Variants in UGGT1 observed in about 807,000 individuals in gnomAD.
The protein encoded by UGGT1 is UDP-glucose:glycoprotein glucosyltransferase 1.
Under a neutral mutation model 203.9 loss-of-function variants are expected in UGGT1, and 107 were observed. The ratio of observed to expected loss-of-function variants is 0.52; its 90% CI spans 0.45 to 0.62. The LOEUF is 0.62. Among genes scored for constraint, UGGT1 ranks in the 20% least tolerant of loss-of-function variants. The pLI, the probability that UGGT1 is intolerant of heterozygous loss-of-function variation, is 0.00. For synonymous variants in UGGT1, 628 were observed against 653.5 expected (o/e 0.96, Z 0.59); for missense variants, 1,673 against 1,867.2 (o/e 0.90, Z 1.92).
chr2:128,106,023 G>A (rs1687590563), intron 3 of UGGT1, among the ~76,000 whole-genome samples: 1 of 151,978 alleles, frequency 6.6e-6, no homozygotes, highest in Non-Finnish European at 1.5e-5. Flanking sequence ...TCAAACTCCT[G>A]GCCTCAAGAC....
intron 13 of UGGT1, among the ~76,000 whole-genome samples, chr2:128,130,435 A>C (rs935766785): frequency 3.3e-5 from 5 of 152,168 alleles, no homozygotes; most frequent in African/African-American, 1.2e-4. Flanking sequence ...CATTACTTGA[A>C]TTCATACTTG....
chr2:128,179,785 G>C lies in UGGT1; in HGVS notation c.3816-1G>C, dbSNP rs1271290139. 1 of 1,610,404 alleles carries C rather than the reference G, an allele frequency of 6.2e-7. No individual in the cohort carries two copies. Among genetic ancestry groups the C allele is most frequent in the Non-Finnish European group, 8.5e-7 (1 of 1,178,916 alleles). ...ATTAATTACCTGCTTTTGTTTGGCA[G>C]CATAATGATGCTATCCGTGCTGAAG... On this transcript the variant is annotated splice_acceptor_variant, in intron 34 of 40. Coordinates refer to ENST00000259253, the MANE Select transcript of UGGT1 (RefSeq NM_020120.4). LOFTEE classifies it high-confidence loss of function.
chr2:128,174,902 A>C, intron 31 of UGGT1, 44 bp downstream of exon 31: 1 of 1,543,750 alleles, frequency 6.5e-7, no homozygotes, highest in African/African-American at 1.4e-5. Context: ...AACTTTTAGA[A>C]ATGAGCATTA....
At chr2:128,122,701 T>C (rs1332755277) in intron 10 of UGGT1, among the ~76,000 whole-genome samples, 1 of 152,152 alleles carries the variant, frequency 6.6e-6, no homozygotes, top group Admixed American at 6.5e-5. Context: ...CTGAATGAAG[T>C]GTTTTGACTT....
At chr2:128,189,226 G>A (rs547772666) in intron 40 of UGGT1, among the ~76,000 whole-genome samples, 3 of 152,132 alleles carry the variant, frequency 2.0e-5, no homozygotes, top group Non-Finnish European at 2.9e-5. Flanking sequence ...CCCGTAAGGC[G>A]TTTATATACC....
At chr2:128,131,281 C>A (rs569997489) in intron 13 of UGGT1, among the ~76,000 whole-genome samples, 1 of 148,760 alleles carries the variant, frequency 6.7e-6, no homozygotes, top group South Asian at 2.1e-4. Context: ...CAGTCAGGCG[C>A]GGTGGCTCAC....
chr2:128,161,954 C>A (rs924809687), intron 25 of UGGT1, among the ~76,000 whole-genome samples: 5 of 152,126 alleles, frequency 3.3e-5, no homozygotes, highest in African/African-American at 1.2e-4. Context: ...GTGGCTGTAC[C>A]ATTTTACATT....
At chr2:128,127,585 C>T (rs1292611881) in intron 12 of UGGT1, 133 bp downstream of exon 12, 18 of 654,788 alleles carry the variant, frequency 2.7e-5, no homozygotes, top group Admixed American at 8.4e-5. Context: ...ACTGGGTGGA[C>T]GTAGGTAGTA....
At chr2:128,127,149 T>C (rs1477419438) in intron 11 of UGGT1, among the ~76,000 whole-genome samples, 1 of 152,180 alleles carries the variant, frequency 6.6e-6, no homozygotes, top group Non-Finnish European at 1.5e-5. Context: ...AAAAATTGCA[T>C]ATTTTTGTGG....
chr2:128,115,724 C>T (rs1688070220), intron 7 of UGGT1, among the ~76,000 whole-genome samples: 1 of 151,950 alleles, frequency 6.6e-6, no homozygotes, highest in South Asian at 2.1e-4. Context: ...TGTTGTAATA[C>T]TCTAGGGTTT....
intron 13 of UGGT1, among the ~76,000 whole-genome samples, chr2:128,130,183 A>C (rs564360265): frequency 6.7e-6 from 1 of 150,010 alleles, no homozygotes; most frequent in Non-Finnish European, 1.5e-5. Context: ...AATTGCTTCA[A>C]CCTGGGGGTG....
chr2:128,156,105 T>C (rs1690213876), intron 20 of UGGT1, among the ~76,000 whole-genome samples: 1 of 152,242 alleles, frequency 6.6e-6, no homozygotes, highest in South Asian at 2.1e-4. Flanking sequence ...CTGGCTGTTA[T>C]TTTAAGTCAG....
At chr2:128,173,962 A>G (rs368814630) in intron 30 of UGGT1, 23 bp downstream of exon 30, 2 of 1,610,240 alleles carry the variant, frequency 1.2e-6, no homozygotes, top group Non-Finnish European at 1.7e-6. Flanking sequence ...TTCATCAGAT[A>G]GTGATATTGT....
chr2:128,176,783 T>TA, intron 31 of UGGT1, 31 bp from the exon 32 acceptor site: 1 of 1,597,892 alleles, frequency 6.3e-7, no homozygotes, highest in Non-Finnish European at 8.6e-7. Context: ...GAATTGTGCC[T>TA]TGTAATATTG....
At chr2:128,096,573 T>C (rs1473839449) in intron 1 of UGGT1, among the ~76,000 whole-genome samples, 1 of 152,190 alleles carries the variant, frequency 6.6e-6, no homozygotes, top group African/African-American at 2.4e-5. Flanking sequence ...GTGCTGTCTT[T>C]CTCTGTCCAG....
At position 128,116,355 on chromosome 2, in the gene UGGT1, C is replaced by G. The variant is rs1209077603; in HGVS notation, c.872+12C>G. On this transcript the variant is annotated intron_variant, in intron 8 of 40. Transcript: ENST00000259253. ...TTTGGAAAATTAAGGTATGTATGTT[C>G]TGTGTATTTTGGGAAACGCCCTCAT... 8.3e-6 allele frequency: 13 copies of G among 1,574,048 alleles called. No homozygotes were observed. The African/African-American group carries it at 1.8e-4, about 21-fold the overall frequency.
chr2:128,160,626 C>A, intron 24 of UGGT1, 35 bp downstream of exon 24: 1 of 1,589,374 alleles, frequency 6.3e-7, no homozygotes, highest in Non-Finnish European at 8.6e-7. Flanking sequence ...CACATTAGAT[C>A]CGTGAACAGT....
chr2:128,095,501 A>C (rs532329258), intron 1 of UGGT1, among the ~76,000 whole-genome samples: 333 of 110,998 alleles, frequency 3.0e-3, no homozygotes, highest in East Asian at 4.7e-3. Flanking sequence ...CTCCTCCCCC[A>C]CTCTCCTCCT....
chr2:128,161,382 A>T (rs1690523061), intron 25 of UGGT1, 114 bp downstream of exon 25: 3 of 1,281,292 alleles, frequency 2.3e-6, no homozygotes, highest in Non-Finnish European at 3.2e-6. Flanking sequence ...TTTTATTTCC[A>T]GTTTAAAATC....
Sources: gnomAD v4.1 joint callset for allele counts (sites outside exome capture counted in the v4.1 genomes callset) on GRCh38, gnomAD v4.1.1 for gene constraint, MANE v1.5 for transcripts, NCBI Gene and HGNC (gene_info 2026-07-23, HGNC 2026-07-21) for gene names.